The following DSCAML1 variants were observed in gnomAD, a reference collection of about 807,000 sequenced individuals.
DSCAML1 encodes cell adhesion molecule DSCAML1.
DSCAML1 carries 38 observed loss-of-function variants against 200.5 expected under a neutral mutation model. That is an observed-to-expected ratio of 0.19 (90% CI 0.15 to 0.25). The LOEUF is 0.25. Among genes scored for constraint, DSCAML1 ranks in the 10% least tolerant of loss-of-function variants. DSCAML1 has a pLI of 1.00. For synonymous variants in DSCAML1, 1,215 were observed against 1,165.0 expected, an observed-to-expected ratio of 1.04 and a Z score of -0.87; for missense variants, 2,223 against 2,858.8, an observed-to-expected ratio of 0.78 and a Z score of 5.07.
chr11:117,429,781 C>T (rs1026659201), intron 32 of DSCAML1, among the ~76,000 whole-genome samples: 3 of 152,228 alleles, frequency 2.0e-5, no homozygotes, highest in Non-Finnish European at 2.9e-5. Flanking sequence ...CCTCTTCCCC[C>T]GGGGAGCTGG....
chr11:117,540,112 G>A (rs571230084), intron 3 of DSCAML1, among the ~76,000 whole-genome samples: 17 of 152,346 alleles, frequency 1.1e-4, no homozygotes, highest in Non-Finnish European at 2.2e-4. Flanking sequence ...AATGGTGGTT[G>A]CTAGGGGCTA....
chr11:117,760,729 T>C (rs1366874066), intron 3 of DSCAML1, among the ~76,000 whole-genome samples: 7 of 152,206 alleles, frequency 4.6e-5, no homozygotes, highest in Non-Finnish European at 1.5e-5. Flanking sequence ...GAGCTCTTTC[T>C]TATCTCTCTC....
At chr11:117,517,801 G>GA (rs2049802800) in intron 7 of DSCAML1, among the ~76,000 whole-genome samples, 1 of 152,246 alleles carries the variant, frequency 6.6e-6, no homozygotes, top group African/African-American at 2.4e-5. Flanking sequence ...AGAGGAGACT[G>GA]TGTTCTCACC....
At chr11:117,513,308 A>C (rs2049682559) in intron 8 of DSCAML1, among the ~76,000 whole-genome samples, 1 of 152,172 alleles carries the variant, frequency 6.6e-6, no homozygotes. Flanking sequence ...GGGCAGAGAA[A>C]GTGGCCAGGA....
At chr11:117,663,181 G>A (rs556867324) in intron 3 of DSCAML1, among the ~76,000 whole-genome samples, 5 of 152,132 alleles carry the variant, frequency 3.3e-5, no homozygotes, top group African/African-American at 7.2e-5. Flanking sequence ...GCCAGCCTTC[G>A]ATATCCTTGC....
At chr11:117,476,111 C>A (rs1307596862) in intron 14 of DSCAML1, among the ~76,000 whole-genome samples, 1 of 152,158 alleles carries the variant, frequency 6.6e-6, no homozygotes, top group African/African-American at 2.4e-5. Flanking sequence ...TAACATATTT[C>A]ATTAAGGGCT....
chr11:117,809,609 C>T (rs1039757099), intron 1 of DSCAML1, among the ~76,000 whole-genome samples: 1 of 152,220 alleles, frequency 6.6e-6, no homozygotes, highest in Non-Finnish European at 1.5e-5. Flanking sequence ...CGCAGTGAAG[C>T]CGGAGGCTGG....
Position 117,567,763 on chromosome 11 carries a change from G to C in DSCAML1, c.512-35241C>G, listed in dbSNP as rs2050782417. Among the ~76,000 whole-genome samples, 6 of 152,278 alleles carry C rather than the reference G, an allele frequency of 3.9e-5. No individual in the cohort carries two copies. The South Asian group carries it at 1.2e-3, about 32-fold the overall frequency. ...ACCAACCAAAAAGAGTCCAGGACCAGATGGATTCACAGCCGAATTCTATCA... is the reference window on the plus strand; with the variant it reads ...ACCAACCAAAAAGAGTCCAGGACCACATGGATTCACAGCCGAATTCTATCA... On this transcript the variant is annotated intron_variant, in intron 3 of 32. Transcript: ENST00000651296.
intron 3 of DSCAML1, among the ~76,000 whole-genome samples, chr11:117,537,533 G>A (rs752306328): frequency 3.3e-5 from 5 of 152,164 alleles, no homozygotes; most frequent in African/African-American, 4.8e-5. Flanking sequence ...ATGTTGGGGT[G>A]TATCCTGGGT....
Position 117,532,475 on chromosome 11 carries a change from C to A in DSCAML1, c.559G>T (p.Val187Leu). The A allele has an allele frequency of 6.2e-7, 1 of 1,614,188 alleles. No individual in the cohort carries two copies. Among genetic ancestry groups the A allele is most frequent in the South Asian group, 1.1e-5 (1 of 91,082 alleles). Residue 187 changes from valine (V) to leucine (L), a missense_variant, in exon 4 of 33, where the codon GTA (valine) becomes TTA (leucine). By Grantham distance (32) the Val-to-Leu change is conservative. Transcript: ENST00000651296. Reference sequence around the variant, plus strand: ...GTGGAGAGGGCGTCCTCCTTCTGTACGTCAGAGATGTACAGCCCGCCGTGG... The same window carrying A: ...GTGGAGAGGGCGTCCTCCTTCTGTAAGTCAGAGATGTACAGCCCGCCGTGG... ...TYHGGLYISDVQKEDALSTYR... is the reference protein window; with the variant it reads ...TYHGGLYISDLQKEDALSTYR...
intron 3 of DSCAML1, among the ~76,000 whole-genome samples, chr11:117,676,857 A>T (rs972831533): frequency 1.6e-4 from 24 of 152,306 alleles, no homozygotes; most frequent in African/African-American, 5.8e-4. Flanking sequence ...GTGCCACCCA[A>T]GCTGCTGTCA....
At chr11:117,633,546 C>T (rs1169168149) in intron 3 of DSCAML1, among the ~76,000 whole-genome samples, 1 of 152,196 alleles carries the variant, frequency 6.6e-6, no homozygotes, top group African/African-American at 2.4e-5. Flanking sequence ...TTGCTAATCC[C>T]CTTTGTTAGC....
intron 8 of DSCAML1, among the ~76,000 whole-genome samples, chr11:117,510,934 AG>A (rs1415474606): frequency 6.6e-6 from 1 of 152,036 alleles, no homozygotes; most frequent in African/African-American, 2.4e-5. Context: ...ATCTCCTCCT[AG>A]GGAGCCTGCT....
chr11:117,461,648 G>C (rs2048485859), intron 17 of DSCAML1, 52 bp from the exon 18 acceptor site: 1 of 1,564,680 alleles, frequency 6.4e-7, no homozygotes, highest in Non-Finnish European at 8.7e-7. Flanking sequence ...GGATGTGAGT[G>C]ACAGTACAGC....
chr11:117,450,798 G>A (rs2048268899), intron 19 of DSCAML1, 110 bp from the exon 20 acceptor site: 1 of 1,332,114 alleles, frequency 7.5e-7, no homozygotes, highest in African/African-American at 1.5e-5. Context: ...GCTTCTTGGA[G>A]GTGGCATCCT....
rs574920878 is a variant in DSCAML1 at position 117,771,215 on chromosome 11, C to T, written c.511+5576G>A. Among the ~76,000 whole-genome samples the T allele has an allele frequency of 1.2e-4, 19 of 152,226 alleles. No individual in the cohort carries two copies. In the South Asian group the frequency reaches 2.5e-3, roughly 20 times the overall value. On this transcript the variant is annotated intron_variant, in intron 3 of 32. Transcript: ENST00000651296. ...GAAGTGACCTTCATGTCAGCCTGAA[C>T]GAAATGTAATTAATAAATTGAATTT...
chr11:117,456,417 G>A (rs1401641869), intron 19 of DSCAML1, among the ~76,000 whole-genome samples: 4 of 152,206 alleles, frequency 2.6e-5, no homozygotes, highest in Admixed American at 6.5e-5. Context: ...TGATGGAAAG[G>A]ATAAAGTATA....
intron 1 of DSCAML1, among the ~76,000 whole-genome samples, chr11:117,807,534 A>G (rs2055717008): frequency 6.6e-6 from 1 of 152,028 alleles, no homozygotes; most frequent in Admixed American, 6.6e-5. Context: ...ACCAAGTCTC[A>G]CCTTTTTGGT....
chr11:117,446,625 G>T (rs1403595870), intron 20 of DSCAML1, among the ~76,000 whole-genome samples: 1 of 152,018 alleles, frequency 6.6e-6, no homozygotes, highest in Non-Finnish European at 1.5e-5. Context: ...TTTAAAATAA[G>T]GCACATTTAT....
Sources: allele counts gnomAD v4.1 joint callset (sites outside exome capture counted in the v4.1 genomes callset), GRCh38; gene constraint gnomAD v4.1.1; transcripts MANE v1.5; gene names NCBI Gene and HGNC (gene_info 2026-07-23, HGNC 2026-07-21).